GRM8: variants seen among roughly 807,000 people sequenced by gnomAD.
The protein encoded by GRM8 is glutamate metabotropic receptor 8.
GRM8 carries 47 observed loss-of-function variants against 87.2 expected under a neutral mutation model. The observed-to-expected ratio is 0.54, with a 90% confidence interval of 0.43 to 0.69. The LOEUF (loss-of-function observed/expected upper bound fraction) is 0.69. Ranked by LOEUF, GRM8 falls within the 30% of genes least tolerant of loss-of-function variation. The pLI, the probability that GRM8 is intolerant of heterozygous loss-of-function variation, is 0.00. For missense variants in GRM8, 1,019 were observed against 1,139.2 expected, an observed-to-expected ratio of 0.89 and a Z score of 1.52; for synonymous variants, 396 against 404.5, an observed-to-expected ratio of 0.98 and a Z score of 0.25.
chr7:127,166,735 C>T (rs1225008834), intron 2 of GRM8, among the ~76,000 whole-genome samples: 2 of 152,052 alleles, frequency 1.3e-5, no homozygotes, highest in African/African-American at 4.8e-5. Context: ...AGAAAAGATA[C>T]CTGAAAATGC....
intron 9 of GRM8, among the ~76,000 whole-genome samples, chr7:126,527,413 G>C (rs1814031545): frequency 6.6e-6 from 1 of 152,174 alleles, no homozygotes; most frequent in African/African-American, 2.4e-5. Context: ...GGTAGCCTAA[G>C]ATAGTTATAT....
intron 7 of GRM8, among the ~76,000 whole-genome samples, chr7:126,619,429 G>A (rs924497661): frequency 2.0e-5 from 3 of 151,516 alleles, no homozygotes; most frequent in African/African-American, 7.3e-5. Context: ...CAAGTTAATG[G>A]GTACAGCACA....
At chr7:127,154,555 C>T (rs1043351383) in intron 2 of GRM8, among the ~76,000 whole-genome samples, 8 of 152,036 alleles carry the variant, frequency 5.3e-5, no homozygotes, top group East Asian at 1.9e-4. Context: ...TGGCTTTAGG[C>T]ATGGAAGAAA....
chr7:126,458,593 A>G (rs1803535042), intron 9 of GRM8, among the ~76,000 whole-genome samples: 5 of 151,332 alleles, frequency 3.3e-5, no homozygotes, highest in Admixed American at 3.3e-4. Context: ...ATATATAATT[A>G]AGAATAGTTT....
intron 3 of GRM8, among the ~76,000 whole-genome samples, chr7:127,051,738 G>GGAAAAAAAAAAAAAAAAAAAA (rs1563454593): frequency 7.7e-5 from 1 of 13,050 alleles, no homozygotes; most frequent in African/African-American, 1.9e-4. Flanking sequence ...ATAATGTTGA[G>GGAAAAAAAAAAAAAAAAAAAA]CAAAAAAAAA....
intron 3 of GRM8, among the ~76,000 whole-genome samples, chr7:127,034,885 C>G (rs1309175261): frequency 6.6e-6 from 1 of 152,108 alleles, no homozygotes; most frequent in Non-Finnish European, 1.5e-5. Flanking sequence ...TCTGAACTTT[C>G]ACTCAAGCCA....
chr7:126,862,086 A>C (rs1390830116), intron 6 of GRM8, among the ~76,000 whole-genome samples: 6 of 151,966 alleles, frequency 3.9e-5, no homozygotes. Flanking sequence ...TACAAAATTT[A>C]AACTATTTTT....
At chr7:126,924,070 C>T (rs890069597) in intron 3 of GRM8, among the ~76,000 whole-genome samples, 1 of 152,124 alleles carries the variant, frequency 6.6e-6, no homozygotes, top group African/African-American at 2.4e-5. Flanking sequence ...AGCAAATGGG[C>T]CACCTACATC....
intron 6 of GRM8, among the ~76,000 whole-genome samples, chr7:126,871,122 T>C (rs1004117896): frequency 6.6e-6 from 1 of 152,182 alleles, no homozygotes; most frequent in Non-Finnish European, 1.5e-5. Context: ...CTTTTGGATA[T>C]GGAATTGTGA....
rs181472396 is a variant in GRM8 at position 126,773,866 on chromosome 7, C to A, written c.1157-3801G>T. ...AAAACTAAAAATTCAACTTTATATC[C>A]AATAGGTCTAAATGAACAATCAAAT... On this transcript the variant is annotated intron_variant, in intron 6 of 10. Transcript: ENST00000339582. Among the ~76,000 whole-genome samples, 7 of 152,022 alleles carry A rather than the reference C, an allele frequency of 4.6e-5. No individual in the cohort carries two copies. The East Asian group carries it at 9.7e-4, about 21-fold the overall frequency.
chr7:127,249,979 C>T (rs553379930), intron 1 of GRM8, among the ~76,000 whole-genome samples: 1 of 152,256 alleles, frequency 6.6e-6, no homozygotes, highest in Admixed American at 6.5e-5. Context: ...CAGAGCAACT[C>T]CACTCCCCCC....
chr7:126,653,322 G>T (rs1365509073), intron 7 of GRM8, among the ~76,000 whole-genome samples: 1 of 111,500 alleles, frequency 9.0e-6, no homozygotes, highest in African/African-American at 2.9e-5. Context: ...AAAAAGGCAA[G>T]GAGAGGGTGA....
At chr7:127,045,754 C>T (rs572272336) in intron 3 of GRM8, among the ~76,000 whole-genome samples, 4 of 152,320 alleles carry the variant, frequency 2.6e-5, no homozygotes, top group Admixed American at 6.5e-5. Flanking sequence ...TTGTCTATCC[C>T]TGTGCTAACT....
chr7:127,180,519 A>G (rs1410791924), intron 2 of GRM8, among the ~76,000 whole-genome samples: 1 of 152,048 alleles, frequency 6.6e-6, no homozygotes, highest in Admixed American at 6.6e-5. Context: ...TCACCCTAAT[A>G]CCAAAATCAG....
intron 8 of GRM8, among the ~76,000 whole-genome samples, chr7:126,603,667 C>T (rs948145906): frequency 1.3e-5 from 2 of 151,914 alleles, no homozygotes; most frequent in Non-Finnish European, 2.9e-5. Context: ...CACACTTATG[C>T]TATGTAGGAA....
At chr7:126,454,917 T>C (rs752795669) in intron 9 of GRM8, among the ~76,000 whole-genome samples, 1 of 151,690 alleles carries the variant, frequency 6.6e-6, no homozygotes, top group Non-Finnish European at 1.5e-5. Flanking sequence ...CCACCCTGTG[T>C]GTGATACAGC....
intron 7 of GRM8, among the ~76,000 whole-genome samples, chr7:126,633,280 CA>C (rs1801524131): frequency 6.6e-6 from 1 of 151,948 alleles, no homozygotes; most frequent in Admixed American, 6.6e-5. Context: ...AACAAACAAA[CA>C]AAAAACAAAT....
chr7:126,630,691 T>C (rs1286875238), intron 7 of GRM8, among the ~76,000 whole-genome samples: 1 of 152,112 alleles, frequency 6.6e-6, no homozygotes, highest in Non-Finnish European at 1.5e-5. Context: ...GATGATCAAG[T>C]AGACTTCATC....
At chr7:126,974,427 T>C (rs1281024498) in intron 3 of GRM8, among the ~76,000 whole-genome samples, 1 of 151,874 alleles carries the variant, frequency 6.6e-6, no homozygotes, top group Non-Finnish European at 1.5e-5. Context: ...TGTCTACATG[T>C]ATCCCATAAC....
Sources: allele counts gnomAD v4.1 joint callset (sites outside exome capture counted in the v4.1 genomes callset), GRCh38; gene constraint gnomAD v4.1.1; transcripts MANE v1.5; gene names NCBI Gene and HGNC (gene_info 2026-07-23, HGNC 2026-07-21).